Variants in PRIM2 observed in about 807,000 individuals in gnomAD.
The protein encoded by PRIM2 is DNA primase subunit 2, also known as DNA primase large subunit.
PRIM2 carries 39 observed loss-of-function variants against 67.3 expected under a neutral mutation model. The ratio of observed to expected loss-of-function variants is 0.58; its 90% confidence interval spans 0.45 to 0.76. PRIM2 has a LOEUF of 0.76. Among genes scored for constraint, PRIM2 ranks in the 30% least tolerant of loss-of-function variants. PRIM2 has a pLI of 0.00. For synonymous variants in PRIM2, 143 were observed against 198.7 expected (o/e 0.72, Z 2.36); for missense variants, 398 against 598.7 (o/e 0.66, Z 3.50).
intron 7 of PRIM2, among the ~76,000 whole-genome samples, chr6:57,481,395 G>T (rs1773625404): frequency 6.6e-6 from 1 of 152,030 alleles, no homozygotes; most frequent in Admixed American, 6.6e-5. Context: ...TGTTGTTCAG[G>T]ATAATGCCCT....
intron 5 of PRIM2, among the ~76,000 whole-genome samples, chr6:57,346,243 C>T (rs1768673325): frequency 6.6e-6 from 1 of 152,122 alleles, no homozygotes; most frequent in African/African-American, 2.4e-5. Context: ...GTTGCTCTCG[C>T]TCTACTAGAG....
intron 5 of PRIM2, among the ~76,000 whole-genome samples, chr6:57,337,733 T>C (rs1023133711): frequency 1.3e-5 from 2 of 152,056 alleles, no homozygotes; most frequent in African/African-American, 2.4e-5. Flanking sequence ...AAATATATAG[T>C]GCTAAATGCC....
At chr6:57,290,127 G>GA in the PRIM2 span, among the ~76,000 whole-genome samples, 43,513 of 117,814 alleles carry the variant, frequency 0.37, 6,892 homozygotes, top group East Asian at 0.65. Context: ...CAAATAGAAA[G>GA]AAAAAAAAAA....
intron 5 of PRIM2, among the ~76,000 whole-genome samples, chr6:57,364,698 G>A (rs1443087080): frequency 6.6e-6 from 1 of 151,870 alleles, no homozygotes; most frequent in South Asian, 2.1e-4. Context: ...CGCTTGGCAG[G>A]CCCTAATCCT....
chr6:57,339,513 G>T (rs1768393625), intron 5 of PRIM2, among the ~76,000 whole-genome samples: 1 of 152,068 alleles, frequency 6.6e-6, no homozygotes, highest in African/African-American at 2.4e-5. Flanking sequence ...CAGAGATATA[G>T]ATCAATGGAA....
At chr6:57,510,077 T>C (rs1774333583) in intron 8 of PRIM2, among the ~76,000 whole-genome samples, 3 of 151,872 alleles carry the variant, frequency 2.0e-5, no homozygotes, top group Non-Finnish European at 4.4e-5. Context: ...TTTATAGATA[T>C]TTTCATAATA....
At chr6:57,555,532 G>A (rs1232475033) in intron 10 of PRIM2, among the ~76,000 whole-genome samples, 2 of 152,118 alleles carry the variant, frequency 1.3e-5, no homozygotes, top group African/African-American at 2.4e-5. Context: ...CACCCGCCTC[G>A]GCCTCCCAAA....
intron 5 of PRIM2, among the ~76,000 whole-genome samples, chr6:57,369,964 A>G (rs1354241651): frequency 1.3e-5 from 2 of 152,342 alleles, no homozygotes; most frequent in African/African-American, 2.4e-5. Context: ...TGTTAGGCCT[A>G]TTGTACACAC....
chr6:57,504,806 T>C (rs1774219475), intron 7 of PRIM2, among the ~76,000 whole-genome samples: 1 of 152,262 alleles, frequency 6.6e-6, no homozygotes, highest in Non-Finnish European at 1.5e-5. Context: ...TGTGACAGTG[T>C]ATTGCTTTCT....
chr6:57,522,752 G>T (rs1267887345), intron 8 of PRIM2, among the ~76,000 whole-genome samples: 1 of 152,138 alleles, frequency 6.6e-6, no homozygotes, highest in Non-Finnish European at 1.5e-5. Flanking sequence ...CTTTGTACTT[G>T]TTGAACATCT....
chr6:57,391,665 A>G (rs929046194), intron 7 of PRIM2, among the ~76,000 whole-genome samples: 3 of 152,050 alleles, frequency 2.0e-5, no homozygotes, highest in Non-Finnish European at 2.9e-5. Flanking sequence ...TGAAGATCAT[A>G]TGGTTGTAGG....
chr6:57,426,459 G>C (rs1263015748), intron 7 of PRIM2, among the ~76,000 whole-genome samples: 1 of 152,146 alleles, frequency 6.6e-6, no homozygotes, highest in Non-Finnish European at 1.5e-5. Flanking sequence ...ATCCCAAAGT[G>C]AGGAAAAGAT....
chr6:57,536,047 A>G (rs1372802317), intron 9 of PRIM2, among the ~76,000 whole-genome samples: 43 of 152,350 alleles, frequency 2.8e-4, no homozygotes, highest in African/African-American at 9.4e-4. Context: ...AAGGCTTTCT[A>G]GTTAGTTCTA....
At chr6:57,257,819 G>A in the PRIM2 span, among the ~76,000 whole-genome samples, 1 of 152,088 alleles carries the variant, frequency 6.6e-6, no homozygotes, top group Non-Finnish European at 1.5e-5. Flanking sequence ...GTTAAATGTT[G>A]GAACAGTGGG....
chr6:57,379,422 T>C (rs1769880026), intron 5 of PRIM2, among the ~76,000 whole-genome samples: 1 of 151,582 alleles, frequency 6.6e-6, no homozygotes, highest in South Asian at 2.1e-4. Context: ...CAGTCTGAGA[T>C]AATAAATTTA....
At chr6:57,561,913 A>G (rs1210249550) in intron 10 of PRIM2, among the ~76,000 whole-genome samples, 1 of 152,150 alleles carries the variant, frequency 6.6e-6, no homozygotes, top group Non-Finnish European at 1.5e-5. Flanking sequence ...CTTTTTACTT[A>G]AAGTGAGAGA....
the PRIM2 span, among the ~76,000 whole-genome samples, chr6:57,270,063 A>G: frequency 2.6e-5 from 4 of 151,940 alleles, no homozygotes; most frequent in Non-Finnish European, 5.9e-5. Flanking sequence ...GTCAGGTAGC[A>G]TGATGCCTCC....
chr6:57,316,987 G>C (rs949985769), upstream of PRIM2, among the ~76,000 whole-genome samples: 2 of 152,370 alleles, frequency 1.3e-5, no homozygotes, highest in East Asian at 3.9e-4. Flanking sequence ...TTGCCGGAGA[G>C]CGGGGAGCGA....
At chr6:57,315,803 T>A (rs1767470627), upstream of PRIM2, among the ~76,000 whole-genome samples, 1 of 152,174 alleles carries the variant, frequency 6.6e-6, no homozygotes, top group African/African-American at 2.4e-5. Context: ...TATGGTCAAG[T>A]CTTTATATCT....
Sources: allele counts gnomAD v4.1 joint callset (sites outside exome capture counted in the v4.1 genomes callset), GRCh38; gene constraint gnomAD v4.1.1; transcripts MANE v1.5; gene names NCBI Gene and HGNC (gene_info 2026-07-23, HGNC 2026-07-21).